DYSF: variants seen among roughly 807,000 people sequenced by gnomAD.
DYSF encodes dystrophy-associated fer-1-like 1.
A neutral mutation model predicts 274.9 loss-of-function variants in DYSF; 212 were observed. The ratio of observed to expected loss-of-function variants is 0.77; its 90% CI spans 0.69 to 0.86. The LOEUF (loss-of-function observed/expected upper bound fraction) is 0.86. DYSF is among the 40% of genes least tolerant of loss of function. The probability of loss-of-function intolerance (pLI) is 0.00; values close to 1 mark genes in which losing one functional copy is unlikely to be tolerated. For synonymous variants in DYSF, 1,091 were observed against 1,078.7 expected (o/e 1.01, Z -0.22); for missense variants, 2,666 against 2,783.2 (o/e 0.96, Z 0.95).
intron 3 of DYSF, among the ~76,000 whole-genome samples, chr2:71,482,551 G>T (rs1466854763): frequency 6.6e-6 from 1 of 152,176 alleles, no homozygotes; most frequent in South Asian, 2.1e-4. Context: ...CTTGGTGGGG[G>T]GATCAAAGTT....
chr2:71,597,835 A>C (rs1320335177), intron 32 of DYSF, among the ~76,000 whole-genome samples: 1 of 152,170 alleles, frequency 6.6e-6, no homozygotes, highest in East Asian at 1.9e-4. Flanking sequence ...CCCCACACCC[A>C]TCTAAGCCAC....
Position 71,615,587 on chromosome 2 carries a change from G to T in DYSF, c.4464+2177G>T, listed in dbSNP as rs1341238267. The stretch of plus-strand genomic sequence containing the variant: ...TCCATGTTTTTCTCTGAGATCTATT[G>T]CTCTGATTTGGCTGATCCAGGAAAT... On this transcript the variant is annotated intron_variant, in intron 40 of 55. Transcript: ENST00000410020. The surrounding 1 kb of genome is among the most constrained non-coding windows in gnomAD (Gnocchi z 4.9). Among the ~76,000 whole-genome samples, 1 of 152,120 alleles carries T rather than the reference G, an allele frequency of 6.6e-6. No individual in the cohort carries two copies. The highest frequency in any genetic ancestry group is 1.5e-5 in the Non-Finnish European group (1 of 68,008).
rs1290079183 is a variant in DYSF at position 71,497,015 on chromosome 2, C to G, written c.240-6199C>G. Among the ~76,000 whole-genome samples, 8 of 152,198 alleles carry G rather than the reference C, an allele frequency of 5.3e-5. No homozygotes were observed. The East Asian group carries it at 1.2e-3, about 22-fold the overall frequency. ...TGTGTGAAATCAGGCAAGTCAAACACCTTCCCAAGTCCCAGTTTCCTTGTC... is the reference window on the plus strand; with the variant it reads ...TGTGTGAAATCAGGCAAGTCAAACAGCTTCCCAAGTCCCAGTTTCCTTGTC... On this transcript the variant is annotated intron_variant, in intron 3 of 55. Transcript: ENST00000410020.
chr2:71,554,424 G>A (rs1280481045), intron 21 of DYSF, among the ~76,000 whole-genome samples: 2 of 152,178 alleles, frequency 1.3e-5, no homozygotes, highest in African/African-American at 4.8e-5. Context: ...TTAGGTACAG[G>A]TGACATTCCA....
Position 71,686,495 on chromosome 2 carries a change from A to C in DYSF, c.*3A>C. On this transcript the variant is annotated 3_prime_UTR_variant, in exon 56 of 56. Transcript: ENST00000410020. ...AGCTGGTGAAGCCCTTCAGCTGAGG[A>C]CTCTCCTGCCCTGTAGAAGGGGCCG... The C allele has an allele frequency of 6.2e-7, 1 of 1,613,622 alleles. No individual in the cohort carries two copies.
At chr2:71,591,752 C>T (rs78963369) in intron 32 of DYSF, among the ~76,000 whole-genome samples, 3,629 of 152,318 alleles carry the variant, frequency 0.024, 112 homozygotes, top group South Asian at 0.16. Context: ...GGCCATCTGC[C>T]GGCTTCCTTG....
In DYSF at chr2:71,594,078, G is replaced by T. The variant is rs72902635; in HGVS notation, c.3574+3790G>T. ...GTAGGTGATCCTATGGGATGGTCCT[G>T]CCAGACCAGGCTGCAGTGAGGTTTG... On this transcript the variant is annotated intron_variant, in intron 32 of 55. Coordinates refer to ENST00000410020, the MANE Select transcript of DYSF (RefSeq NM_001130987.2). Among the ~76,000 whole-genome samples, 1,522 of 152,318 alleles carry T rather than the reference G, an allele frequency of 1.0e-2. 33 individuals are homozygous for T. The highest frequency in any genetic ancestry group is 0.035 in the African/African-American group (1,456 of 41,570).
chr2:71,475,426 G>A (rs1181020813), intron 1 of DYSF, among the ~76,000 whole-genome samples: 5 of 152,326 alleles, frequency 3.3e-5, no homozygotes, highest in African/African-American at 1.2e-4. Context: ...GCCCAGTTGG[G>A]GGTTCAGAGC....
chr2:71,556,365 A>G (rs1295703393), intron 22 of DYSF, among the ~76,000 whole-genome samples: 1 of 152,118 alleles, frequency 6.6e-6, no homozygotes, highest in Non-Finnish European at 1.5e-5. Context: ...TCCCTGATGG[A>G]ATCTCCAGGA....
chr2:71,679,149 G>T lies in DYSF; in HGVS notation c.5977G>T (p.Glu1993Ter). 6.2e-7 allele frequency: 1 copy of T among 1,614,072 alleles called. No individual in the cohort carries two copies. The highest frequency in any genetic ancestry group is 8.5e-7 in the Non-Finnish European group (1 of 1,179,970). Residue 1993 changes from glutamate to a stop codon, truncating the protein, a stop_gained, in exon 53 of 56, where the codon GAA becomes TAA. Transcript: ENST00000410020. LOFTEE classifies it high-confidence loss of function. The stretch of plus-strand genomic sequence containing the variant: ...CCAGCTGGATGATGCTTTCCACCCA[G>T]AATGGTTTGTGTCCCTTTTTGAGCA... The part of the protein sequence containing the change: ...LDQLDDAFHP[E>*]WFVSLFEQKT...
At chr2:71,515,035 AT>A (rs1027622203) in intron 7 of DYSF, among the ~76,000 whole-genome samples, 2 of 151,788 alleles carry the variant, frequency 1.3e-5, no homozygotes, top group African/African-American at 2.4e-5. Flanking sequence ...TAAATATCTT[AT>A]TTTTTTCCAT....
chr2:71,465,145 G>A (rs72896817), upstream of DYSF, among the ~76,000 whole-genome samples: 3,043 of 152,262 alleles, frequency 0.02, 94 homozygotes, highest in African/African-American at 0.07. Context: ...CTTGTGTGCC[G>A]ATGGGATGAT....
At chr2:71,471,631 C>T (rs1370114933) in intron 1 of DYSF, among the ~76,000 whole-genome samples, 1 of 152,170 alleles carries the variant, frequency 6.6e-6, no homozygotes, top group Non-Finnish European at 1.5e-5. Context: ...GAAGTAATCC[C>T]ATCATAGATT....
In DYSF at chr2:71,525,224, T is replaced by C. The variant is rs192100535; in HGVS notation, c.1150-996T>C. On this transcript the variant is annotated intron_variant, in intron 12 of 55. Coordinates refer to ENST00000410020, the MANE Select transcript of DYSF (RefSeq NM_001130987.2). The stretch of plus-strand genomic sequence containing the variant: ...GTGAGTCTTTTCTTTTCCTTTTTTG[T>C]TTTTGAGATGGTGGGGGCGGGGGGC... Among the ~76,000 whole-genome samples, 10 of 152,116 alleles carry C rather than the reference T, an allele frequency of 6.6e-5. No individual in the cohort carries two copies. The East Asian group carries it at 1.9e-3, about 30-fold the overall frequency.
At chr2:71,579,744 A>G (rs898416553) in intron 30 of DYSF, among the ~76,000 whole-genome samples, 2 of 152,190 alleles carry the variant, frequency 1.3e-5, no homozygotes, top group Non-Finnish European at 2.9e-5. Flanking sequence ...TTACAGTTAA[A>G]GTAATCAGAA....
intron 31 of DYSF, 21 bp downstream of exon 31, chr2:71,589,707 T>C: frequency 3.1e-6 from 5 of 1,601,110 alleles, no homozygotes; most frequent in Non-Finnish European, 3.4e-6. Flanking sequence ...CTTCGAGGCC[T>C]CTATGGGGTG....
Position 71,615,509 on chromosome 2 carries a change from T to C in DYSF, c.4464+2099T>C, listed in dbSNP as rs1558628630. Among the ~76,000 whole-genome samples, 2 of 152,236 alleles carry C rather than the reference T, an allele frequency of 1.3e-5. No homozygotes were observed. Among genetic ancestry groups the C allele is most frequent in the Non-Finnish European group, 2.9e-5 (2 of 68,036 alleles). On this transcript the variant is annotated intron_variant, in intron 40 of 55. Coordinates refer to ENST00000410020, the MANE Select transcript of DYSF (RefSeq NM_001130987.2). This position sits in a 1 kb window ranked among gnomAD's most constrained non-coding sequence, Gnocchi z 4.9. ...CCCAGCAGGGAGACCAGTTCTGTTC[T>C]GCAGGGAGCCCTGGCCCTCTGGGGA...
chr2:71,583,615 C>T (rs761306820), intron 30 of DYSF, among the ~76,000 whole-genome samples: 2 of 152,218 alleles, frequency 1.3e-5, no homozygotes, highest in African/African-American at 4.8e-5. Context: ...TTTATAGATC[C>T]TGAGCCAGAA....
intron 1 of DYSF, among the ~76,000 whole-genome samples, chr2:71,468,259 A>C (rs1423659071): frequency 1.3e-5 from 2 of 152,220 alleles, no homozygotes; most frequent in African/African-American, 4.8e-5. Context: ...TGGGCAGGGC[A>C]CACATTAGCA....
Sources: allele counts gnomAD v4.1 joint callset (sites outside exome capture counted in the v4.1 genomes callset), GRCh38; gene constraint gnomAD v4.1.1; non-coding constraint Gnocchi (gnomAD v3.1); transcripts MANE v1.5; gene names NCBI Gene and HGNC (gene_info 2026-07-23, HGNC 2026-07-21).